Variants in ARPP21 observed in about 807,000 individuals in gnomAD.
ARPP21 encodes the protein cAMP regulated phosphoprotein 21.
ARPP21 carries 69 observed loss-of-function variants against 113.2 expected under a neutral mutation model. The observed-to-expected ratio is 0.61, with a 90% CI of 0.50 to 0.74. The LOEUF is 0.74. ARPP21 is among the 30% of genes least tolerant of loss of function. The pLI is 0.00. For synonymous variants in ARPP21, 368 were observed against 375.5 expected, an observed-to-expected ratio of 0.98 and a Z score of 0.23; for missense variants, 1,070 against 1,037.4, an observed-to-expected ratio of 1.03 and a Z score of -0.43.
chr3:35,687,677 A>G, intron 5 of ARPP21, 62 bp from the exon 6 acceptor site: 1 of 1,488,002 alleles, frequency 6.7e-7, no homozygotes, highest in South Asian at 1.3e-5. Context: ...CTCTATGCAA[A>G]ATGGGAGCCA....
At chr3:35,691,839 T>C (rs958298082) in intron 9 of ARPP21, among the ~76,000 whole-genome samples, 1 of 151,608 alleles carries the variant, frequency 6.6e-6, no homozygotes, top group South Asian at 2.1e-4. Flanking sequence ...TAATTTTCTT[T>C]TTTCACAATG....
Position 35,639,805 on chromosome 3 carries a change from A to G in ARPP21, c.-806A>G, listed in dbSNP as rs1697517748. On this transcript the variant is annotated 5_prime_UTR_variant, in exon 1 of 21. Transcript: ENST00000684406. This position sits in a 1 kb window ranked among gnomAD's most constrained non-coding sequence, Gnocchi z 5.0. The stretch of plus-strand genomic sequence containing the variant: ...TGGGAGAGGACTGTGGGCACAGAAG[A>G]CCGGAAGAGGGACGCTGCATTGCTG... 1 of 152,640 alleles carries G rather than the reference A, an allele frequency of 6.6e-6. No individual in the cohort carries two copies. Among genetic ancestry groups the G allele is most frequent in the Non-Finnish European group, 1.5e-5 (1 of 68,398 alleles). 9.5% of individuals were successfully genotyped at this position (152,640 alleles called of 1,614,324 possible).
intron 2 of ARPP21, 32 bp from the exon 3 acceptor site, chr3:35,681,682 T>C: frequency 1.6e-6 from 2 of 1,219,048 alleles, no homozygotes; most frequent in Admixed American, 3.9e-5. Flanking sequence ...TACCTTGCAC[T>C]GACTTTATTT....
At chr3:35,753,318 C>A (rs1462530259) in intron 19 of ARPP21, among the ~76,000 whole-genome samples, 1 of 151,912 alleles carries the variant, frequency 6.6e-6, no homozygotes, top group African/African-American at 2.4e-5. Flanking sequence ...TGAATATACA[C>A]ATTTTGTGTT....
At chr3:35,787,554 G>A (rs62259492) in intron 19 of ARPP21, among the ~76,000 whole-genome samples, 6 of 151,988 alleles carry the variant, frequency 3.9e-5, no homozygotes, top group Non-Finnish European at 7.4e-5. Flanking sequence ...CTGGTGTTTC[G>A]CTCTCTAAGT....
At chr3:35,749,192 C>T (rs919210032) in intron 19 of ARPP21, among the ~76,000 whole-genome samples, 23 of 152,170 alleles carry the variant, frequency 1.5e-4, no homozygotes, top group African/African-American at 5.6e-4. Context: ...GAGCCTTGGT[C>T]TTCTGCCTCC....
chr3:35,705,209 A>C (rs1461079258), intron 9 of ARPP21, among the ~76,000 whole-genome samples: 1 of 152,132 alleles, frequency 6.6e-6, no homozygotes, highest in Non-Finnish European at 1.5e-5. Flanking sequence ...AATGTGTAAC[A>C]ACATATAAAT....
In ARPP21 at chr3:35,729,475, C is replaced by G. The variant is rs754184721; in HGVS notation, c.1398C>G (p.Leu466=). The G allele has an allele frequency of 6.8e-6, 11 of 1,614,244 alleles. No homozygotes were observed. The highest frequency in any genetic ancestry group is 4.0e-5 in the African/African-American group (3 of 75,060). The change falls in exon 15 of 21, where the codon CTC becomes CTG. Residue 466 remains leucine, a synonymous_variant. Transcript: ENST00000684406. ...QVAPSSTSYI[L]LPLEAATGIP... is the part of the protein sequence containing the mutation. ...CTCCCAGCAGCACCAGCTACATCCT[C>G]CTTCCACTTGAAGCTGCAACAGGCA... is the stretch of plus-strand genomic sequence containing the variant.
At chr3:35,773,621 T>C (rs2096270833) in intron 19 of ARPP21, among the ~76,000 whole-genome samples, 1 of 152,166 alleles carries the variant, frequency 6.6e-6, no homozygotes, top group African/African-American at 2.4e-5. Flanking sequence ...TTGTAATCAT[T>C]TATTTTTAAG....
At chr3:35,641,645 G>A (rs1440432724) in intron 1 of ARPP21, 4 of 152,204 alleles carry the variant, frequency 2.6e-5, no homozygotes, top group African/African-American at 9.6e-5. Flanking sequence ...CATTTCTAAT[G>A]TGAATTGCAT....
chr3:35,715,322 A>C, intron 11 of ARPP21, 117 bp from the exon 12 acceptor site: 1 of 785,598 alleles, frequency 1.3e-6, no homozygotes, highest in Non-Finnish European at 2.2e-6. Flanking sequence ...TTTTGTACCT[A>C]TTTTTCTTAA....
intron 17 of ARPP21, 122 bp from the exon 18 acceptor site, chr3:35,739,195 T>G (rs2094522495): frequency 1.7e-6 from 2 of 1,164,284 alleles, no homozygotes; most frequent in South Asian, 1.6e-5. Flanking sequence ...TTTTATTTTT[T>G]CCAAATTGTA....
At chr3:35,714,966 G>C (rs2092137215) in intron 11 of ARPP21, 1 of 152,780 alleles carries the variant, frequency 6.5e-6, no homozygotes, top group Admixed American at 6.5e-5. Context: ...TTTCATGAGA[G>C]TTTATCATCA....
At chr3:35,674,010 G>C (rs1267054472) in intron 1 of ARPP21, among the ~76,000 whole-genome samples, 1 of 151,916 alleles carries the variant, frequency 6.6e-6, no homozygotes, top group African/African-American at 2.4e-5. Flanking sequence ...TGTTCCATTA[G>C]AGAGTGTCTC....
chr3:35,748,386 AAAAG>A (rs1194625851), intron 19 of ARPP21, among the ~76,000 whole-genome samples: 2 of 151,106 alleles, frequency 1.3e-5, no homozygotes, highest in African/African-American at 4.9e-5. Flanking sequence ...GAAAGAAAGA[AAAAG>A]AAAAGAAAGG....
chr3:35,715,703 TTTC>T, intron 12 of ARPP21: 1 of 350,388 alleles, frequency 2.9e-6, no homozygotes, highest in South Asian at 5.4e-5. Flanking sequence ...TGTAAAACTT[TTTC>T]TTATTTAAAG....
intron 18 of ARPP21, among the ~76,000 whole-genome samples, chr3:35,742,272 CAAAT>C (rs1421528685): frequency 6.6e-6 from 1 of 152,142 alleles, no homozygotes; most frequent in African/African-American, 2.4e-5. Context: ...TAAATGCTGA[CAAAT>C]AAATTAGATG....
At chr3:35,717,042 C>T (rs1465374200) in intron 12 of ARPP21, among the ~76,000 whole-genome samples, 5 of 151,962 alleles carry the variant, frequency 3.3e-5, no homozygotes, top group African/African-American at 4.8e-5. Context: ...CTATATCAAT[C>T]TCTTTTCTCC....
intron 13 of ARPP21, among the ~76,000 whole-genome samples, chr3:35,720,088 T>C (rs773300606): frequency 6.6e-6 from 1 of 152,184 alleles, no homozygotes; most frequent in Non-Finnish European, 1.5e-5. Flanking sequence ...ACAACTTGGT[T>C]TTCATCAAGT....
Sources: gnomAD v4.1 joint callset for allele counts (sites outside exome capture counted in the v4.1 genomes callset) on GRCh38, gnomAD v4.1.1 for gene constraint, Gnocchi (gnomAD v3.1) non-coding constraint, MANE v1.5 for transcripts, NCBI Gene and HGNC (gene_info 2026-07-23, HGNC 2026-07-21) for gene names.